Variants in CSRP3 observed in about 807,000 individuals in gnomAD.
The protein encoded by CSRP3 is cysteine and glycine-rich protein 3.
A neutral mutation model predicts 24.3 loss-of-function variants in CSRP3; 24 were observed. The ratio of observed to expected loss-of-function variants is 0.99; its 90% CI spans 0.71 to 1.39. The LOEUF (loss-of-function observed/expected upper bound fraction) is 1.39. CSRP3 is among the 40% of genes most tolerant of loss of function. CSRP3 has a pLI of 0.00. For missense variants in CSRP3, 240 were observed against 249.0 expected, an observed-to-expected ratio of 0.96 and a Z score of 0.24; for synonymous variants, 105 against 94.0, an observed-to-expected ratio of 1.12 and a Z score of -0.68.
chr11:19,182,739 A>T lies in CSRP3; in HGVS notation c.516T>A (p.Tyr172Ter). 1 of 1,613,338 alleles carries T rather than the reference A, an allele frequency of 6.2e-7. No homozygotes were observed. Among genetic ancestry groups the T allele is most frequent in the Non-Finnish European group, 8.5e-7 (1 of 1,179,220 alleles). Residue 172 changes from tyrosine (Y) to a stop codon, truncating the protein, a stop_gained, in exon 6 of 6, where the codon TAT (tyrosine) becomes TAA (stop). Transcript: ENST00000265968. LOFTEE classifies it high-confidence loss of function. ...KDGELYCKVC[Y>*]AKNFGPTGIG... Reference sequence around the variant, plus strand: ...TACCCGTGGGGCCAAAATTTTTGGCATAGCAAACTGTGAATGAGAAGAGGA... The same window carrying T: ...TACCCGTGGGGCCAAAATTTTTGGCTTAGCAAACTGTGAATGAGAAGAGGA...
intron 4 of CSRP3, among the ~76,000 whole-genome samples, chr11:19,185,933 G>A (rs1850517981): frequency 6.6e-6 from 1 of 152,140 alleles, no homozygotes; most frequent in South Asian, 2.1e-4. Flanking sequence ...CTGGAGGGTA[G>A]ACGGGCTTTT....
In CSRP3 at chr11:19,197,337, TCTCCCTCCCTCCCTCCCTCCCTCC is replaced by T. The variant is rs1192993340; in HGVS notation, c.-29+4593_-29+4616del. On this transcript the variant is annotated intron_variant, in intron 1 of 5. Coordinates refer to ENST00000265968, the MANE Select transcript of CSRP3 (RefSeq NM_003476.5). ...GCACATTCTTCCTAATCCAACTATT[TCTCCCTCCCTCCCTCCCTCCCTCC>T]CTCCCTCCCTCCCTCCCTCCCTCCC... Among the ~76,000 whole-genome samples, 282 of 95,670 alleles carry T rather than the reference TCTCCCTCCCTCCCTCCCTCCCTCC, an allele frequency of 2.9e-3. 3 individuals carry two copies. The highest frequency in any genetic ancestry group is 3.5e-3 in the East Asian group (11 of 3,152). 62.8% of individuals were successfully genotyped at this position (95,670 alleles called of 152,430 possible).
chr11:19,182,408 C>T lies in CSRP3; in HGVS notation c.*262G>A, dbSNP rs542558419. 3.4e-5 allele frequency: 18 copies of T among 530,718 alleles called. No individual in the cohort carries two copies. The highest frequency in any genetic ancestry group is 3.2e-4 in the African/African-American group (17 of 52,696). The allele number at this position is 530,718 out of a possible 1,614,324, so 32.9% of individuals were successfully genotyped here. On this transcript the variant is annotated 3_prime_UTR_variant, in exon 6 of 6. Transcript: ENST00000265968. ...CTCAAAGAAAAGATCTAGAGCCATACAAGATAGCACTAAAACATTTATTTA... is the reference window on the plus strand; with the variant it reads ...CTCAAAGAAAAGATCTAGAGCCATATAAGATAGCACTAAAACATTTATTTA...
At chr11:19,192,533 C>T in intron 1 of CSRP3, 57 bp from the exon 2 acceptor site, 10 of 1,060,838 alleles carry the variant, frequency 9.4e-6, no homozygotes, top group Non-Finnish European at 1.3e-5. Flanking sequence ...GTGAACCAAT[C>T]TCTAAGAGTG....
intron 1 of CSRP3, among the ~76,000 whole-genome samples, chr11:19,193,323 A>G (rs1281155575): frequency 1.3e-5 from 2 of 152,244 alleles, no homozygotes; most frequent in East Asian, 3.9e-4. Context: ...ATCAAACGAC[A>G]TGATGTGCAG....
At chr11:19,185,738 C>G (rs562475996) in intron 4 of CSRP3, among the ~76,000 whole-genome samples, 2 of 152,318 alleles carry the variant, frequency 1.3e-5, no homozygotes, top group Admixed American at 1.3e-4. Flanking sequence ...CTGGAACTTG[C>G]AGAGCACATA....
intron 5 of CSRP3, among the ~76,000 whole-genome samples, chr11:19,183,809 T>C (rs1850478503): frequency 1.3e-5 from 2 of 152,102 alleles, no homozygotes; most frequent in Admixed American, 1.3e-4. Flanking sequence ...CCCACCTAAA[T>C]CTCATCTTGA....
At chr11:19,186,100 G>T (rs1850520076) in intron 4 of CSRP3, 116 bp downstream of exon 4, 2 of 1,373,578 alleles carry the variant, frequency 1.5e-6, no homozygotes, top group African/African-American at 1.4e-5. Flanking sequence ...TTCTAAAGTT[G>T]TTCTGGGAGC....
At chr11:19,197,504 T>TTTCGTTCG (rs1213063788) in intron 1 of CSRP3, among the ~76,000 whole-genome samples, 55 of 58,080 alleles carry the variant, frequency 9.5e-4, no homozygotes, top group African/African-American at 3.7e-3. Flanking sequence ...TCTTTTCCTC[T>TTTCGTTCG]TTCTTTCTTT....
intron 1 of CSRP3, among the ~76,000 whole-genome samples, chr11:19,193,364 A>C (rs560512695): frequency 6.6e-6 from 1 of 152,352 alleles, no homozygotes; most frequent in South Asian, 2.1e-4. Context: ...AGTGCTCAAC[A>C]GGAGCCAGAC....
chr11:19,201,340 A>G (rs1850837418), intron 1 of CSRP3, among the ~76,000 whole-genome samples: 1 of 152,252 alleles, frequency 6.6e-6, no homozygotes, highest in Non-Finnish European at 1.5e-5. Context: ...TCTATTTAAA[A>G]TCAACAAGCC....
intron 4 of CSRP3, among the ~76,000 whole-genome samples, chr11:19,185,597 G>A (rs1850512467): frequency 6.6e-6 from 1 of 152,148 alleles, no homozygotes. Context: ...CAGTTTTAGG[G>A]TGGAGCCTGC....
intron 5 of CSRP3, among the ~76,000 whole-genome samples, chr11:19,184,273 T>G (rs375263773): frequency 1.3e-5 from 2 of 152,278 alleles, no homozygotes; most frequent in East Asian, 3.9e-4. Context: ...AGGCCTAGGC[T>G]CAGGGGTGGA....
At chr11:19,184,925 T>C in intron 5 of CSRP3, 27 bp downstream of exon 5, 2 of 1,556,344 alleles carry the variant, frequency 1.3e-6, no homozygotes. Flanking sequence ...GAAAACATAT[T>C]TCAAGAAAGT....
intron 3 of CSRP3, among the ~76,000 whole-genome samples, chr11:19,187,454 G>A (rs756136061): frequency 6.6e-6 from 1 of 152,200 alleles, no homozygotes; most frequent in Middle Eastern, 3.2e-3. Flanking sequence ...AGAGAGTAGT[G>A]TCAGGCCAGT....
chr11:19,183,741 T>C (rs1367994387), intron 5 of CSRP3, among the ~76,000 whole-genome samples: 1 of 152,212 alleles, frequency 6.6e-6, no homozygotes, highest in Non-Finnish European at 1.5e-5. Flanking sequence ...AGTGAGCTAG[T>C]TCCCATCCTG....
intron 2 of CSRP3, among the ~76,000 whole-genome samples, chr11:19,191,304 A>G (rs1850610177): frequency 6.6e-6 from 1 of 152,140 alleles, no homozygotes. Flanking sequence ...AAAAGCCCCA[A>G]CAGATGGAGT....
intron 5 of CSRP3, among the ~76,000 whole-genome samples, chr11:19,184,049 A>G (rs1478547062): frequency 1.3e-5 from 2 of 152,324 alleles, no homozygotes; most frequent in Non-Finnish European, 2.9e-5. Flanking sequence ...CTGTGAGTCC[A>G]TTAAACCTCT....
At chr11:19,184,338 G>A (rs567492528) in intron 5 of CSRP3, among the ~76,000 whole-genome samples, 1 of 152,330 alleles carries the variant, frequency 6.6e-6, no homozygotes, top group Admixed American at 6.5e-5. Flanking sequence ...TCAAGAAGGA[G>A]CTAAGCCTCT....
Sources: allele counts gnomAD v4.1 joint callset (sites outside exome capture counted in the v4.1 genomes callset), GRCh38; gene constraint gnomAD v4.1.1; transcripts MANE v1.5; gene names NCBI Gene and HGNC (gene_info 2026-07-23, HGNC 2026-07-21).